The following IGSF3 variants were observed in gnomAD, a reference collection of about 807,000 sequenced individuals.
The protein encoded by IGSF3 is glu-Trp-Ile EWI motif-containing protein 3.
IGSF3 carries 23 observed loss-of-function variants against 114.4 expected under a neutral mutation model. The ratio of observed to expected loss-of-function variants is 0.20; its 90% CI spans 0.14 to 0.28. The LOEUF (loss-of-function observed/expected upper bound fraction) is 0.28. Among genes scored for constraint, IGSF3 ranks in the 10% least tolerant of loss-of-function variants. The pLI, the probability that IGSF3 is intolerant of heterozygous loss-of-function variation, is 1.00. For synonymous variants in IGSF3, 571 were observed against 645.2 expected (o/e 0.88, Z 1.74); for missense variants, 1,172 against 1,591.5 (o/e 0.74, Z 4.48).
In IGSF3 at chr1:116,664,083, G is replaced by C. The variant is rs1035635891; in HGVS notation, c.43+2201C>G. On this transcript the variant is annotated intron_variant, in intron 2 of 10. Transcript: ENST00000369486. This position sits in a 1 kb window ranked among gnomAD's most constrained non-coding sequence, Gnocchi z 4.6. ...TCCCAGATTAGTAAAGTAGTAGCCAGGCCTCCTTCCTGCCATACTGAGAGC... is the reference window on the plus strand; with the variant it reads ...TCCCAGATTAGTAAAGTAGTAGCCACGCCTCCTTCCTGCCATACTGAGAGC... 6.6e-6 allele frequency among the ~76,000 whole-genome samples: 1 copy of C among 152,176 alleles called. No individual in the cohort carries two copies. Among genetic ancestry groups the C allele is most frequent in the African/African-American group, 2.4e-5 (1 of 41,440 alleles).
At chr1:116,604,115 G>A in intron 5 of IGSF3, 90 bp from the exon 6 acceptor site, 2 of 1,174,860 alleles carry the variant, frequency 1.7e-6, no homozygotes, top group Non-Finnish European at 2.3e-6. Context: ...GGTGCAAATG[G>A]AATCATATTC....
rs1385202749 is a variant in IGSF3 at position 116,574,689 on chromosome 1, A to C, written c.*2623T>G. The C allele has an allele frequency of 6.6e-6, 1 of 152,656 alleles. No individual in the cohort carries two copies. Among genetic ancestry groups the C allele is most frequent in the African/African-American group, 2.4e-5 (1 of 41,462 alleles). The allele number at this position is 152,656 out of a possible 1,614,324, so 9.5% of individuals were successfully genotyped here. On this transcript the variant is annotated 3_prime_UTR_variant, in exon 11 of 11. Transcript: ENST00000369486. The surrounding 1 kb of genome is among the most constrained non-coding windows in gnomAD (Gnocchi z 5.2). ...CGCCTAGCACAGTGTAGTTTTTCATAAATGCAACATTGTAGACATAGATGA... is the reference window on the plus strand; with the variant it reads ...CGCCTAGCACAGTGTAGTTTTTCATCAATGCAACATTGTAGACATAGATGA...
At chr1:116,626,013 C>G (rs1455235916) in intron 2 of IGSF3, among the ~76,000 whole-genome samples, 7 of 152,188 alleles carry the variant, frequency 4.6e-5, no homozygotes, top group Admixed American at 4.6e-4. Flanking sequence ...TTCTAAGCTG[C>G]TGCCTAATTC....
In IGSF3 at chr1:116,649,383, C is replaced by A. The variant is rs971341511; in HGVS notation, c.43+16901G>T. On this transcript the variant is annotated intron_variant, in intron 2 of 10. Coordinates refer to ENST00000369486, the MANE Select transcript of IGSF3 (RefSeq NM_001007237.3). This position sits in a 1 kb window ranked among gnomAD's most constrained non-coding sequence, Gnocchi z 4.5. ...GTTGCCTCTACCACATCCTCTTAAC[C>A]CTTGGCCTCTCATTCCCAAAGTCTA... is the stretch of plus-strand genomic sequence containing the variant. 6.6e-6 allele frequency among the ~76,000 whole-genome samples: 1 copy of A among 152,226 alleles called. No homozygotes were observed. Among genetic ancestry groups the A allele is most frequent in the African/African-American group, 2.4e-5 (1 of 41,458 alleles).
chr1:116,622,228 T>C (rs1379158965), intron 2 of IGSF3, among the ~76,000 whole-genome samples: 1 of 152,218 alleles, frequency 6.6e-6, no homozygotes, highest in African/African-American at 2.4e-5. Flanking sequence ...CACTAGTATC[T>C]TTCTTCATCT....
At position 116,595,080 on chromosome 1, in the gene IGSF3, A is replaced by G. The variant is rs949113534; in HGVS notation, c.2029+4861T>C. On this transcript the variant is annotated intron_variant, in intron 7 of 10. Coordinates refer to ENST00000369486, the MANE Select transcript of IGSF3 (RefSeq NM_001007237.3). This position sits in a 1 kb window ranked among gnomAD's most constrained non-coding sequence, Gnocchi z 4.2. Reference sequence around the variant, plus strand: ...CAACCTGGCACTTAGTAGGTGCTCAATGCATGCAGAGAGACAGGGAGGGAG... The same window carrying G: ...CAACCTGGCACTTAGTAGGTGCTCAGTGCATGCAGAGAGACAGGGAGGGAG... Among the ~76,000 whole-genome samples the G allele has an allele frequency of 7.2e-5, 11 of 152,132 alleles. No homozygotes were observed. Among genetic ancestry groups the G allele is most frequent in the Non-Finnish European group, 1.6e-4 (11 of 68,014 alleles).
chr1:116,590,928 C>T (rs1197551143), intron 7 of IGSF3, among the ~76,000 whole-genome samples: 5 of 152,220 alleles, frequency 3.3e-5, no homozygotes, highest in African/African-American at 1.2e-4. Context: ...GAGCATCTCC[C>T]GCAGTAAATC....
At chr1:116,626,166 C>T (rs556220597) in intron 2 of IGSF3, among the ~76,000 whole-genome samples, 96 of 152,218 alleles carry the variant, frequency 6.3e-4, no homozygotes, top group African/African-American at 2.0e-3. Context: ...TCTTTTATCT[C>T]TTCTGACTAC....
In IGSF3 at chr1:116,666,860, G is replaced by T; in HGVS notation, c.-534C>A. On this transcript the variant is annotated 5_prime_UTR_variant, in exon 2 of 11. Coordinates refer to ENST00000369486, the MANE Select transcript of IGSF3 (RefSeq NM_001007237.3). ...AAGTCCGTTTCCATCCATGGTGGTA[G>T]GTCACGGAGGCGCCACCTGCCCCAC... 1 of 405,916 alleles carries T rather than the reference G, an allele frequency of 2.5e-6. No individual in the cohort carries two copies. Among genetic ancestry groups the T allele is most frequent in the African/African-American group, 2.1e-5 (1 of 48,758 alleles). The allele number at this position is 405,916 out of a possible 1,614,324, so 25.1% of individuals were successfully genotyped here. A position where few individuals can be genotyped will look rare whatever the true frequency, so the allele number is the denominator to read the frequency against.
Position 116,618,451 on chromosome 1 carries a change from T to C in IGSF3, c.44-1994A>G, listed in dbSNP as rs1191132027. On this transcript the variant is annotated intron_variant, in intron 2 of 10. Coordinates refer to ENST00000369486, the MANE Select transcript of IGSF3 (RefSeq NM_001007237.3). The surrounding 1 kb of genome is among the most constrained non-coding windows in gnomAD (Gnocchi z 4.7). ...AAACACATGTGCAACAGTGATCCTG[T>C]AAGATTATAATGGAGCATATATAGA... 6.6e-6 allele frequency among the ~76,000 whole-genome samples: 1 copy of C among 152,240 alleles called. No homozygotes were observed. The highest frequency in any genetic ancestry group is 2.4e-5 in the African/African-American group (1 of 41,450).
rs1014093272 is a variant in IGSF3 at position 116,576,289 on chromosome 1, A to C, written c.*1023T>G. ...GGCCCTGTGCTCAGCTCAGGGGCCC[A>C]CTTCCAAGTTCACTGGACACTTTCT... On this transcript the variant is annotated 3_prime_UTR_variant, in exon 11 of 11. Transcript: ENST00000369486. This position sits in a 1 kb window ranked among gnomAD's most constrained non-coding sequence, Gnocchi z 4.6. The C allele has an allele frequency of 2.0e-5, 3 of 151,702 alleles. No individual in the cohort carries two copies. The highest frequency in any genetic ancestry group is 7.3e-5 in the African/African-American group (3 of 41,058). 9.4% of individuals were successfully genotyped at this position (151,702 alleles called of 1,614,324 possible). A position where few individuals can be genotyped will look rare whatever the true frequency, so the allele number is the denominator to read the frequency against.
rs1400805014 is a variant in IGSF3, at chr1:116,632,506, CGCAG to C, written c.44-16053_44-16050del. 6.6e-6 allele frequency among the ~76,000 whole-genome samples: 1 copy of C among 152,190 alleles called. No individual in the cohort carries two copies. The highest frequency in any genetic ancestry group is 2.4e-5 in the African/African-American group (1 of 41,442). ...ACGCAGCATACTGAATGAGAAGCCTCGCAGGCAGAGAAGAAAGCAAACCTGGAAG... is the reference window on the plus strand; with the variant it reads ...ACGCAGCATACTGAATGAGAAGCCTCGCAGAGAAGAAAGCAAACCTGGAAG... On this transcript the variant is annotated intron_variant, in intron 2 of 10. Transcript: ENST00000369486. The surrounding 1 kb of genome is among the most constrained non-coding windows in gnomAD (Gnocchi z 5.1).
At chr1:116,635,171 C>T (rs1365364076) in intron 2 of IGSF3, among the ~76,000 whole-genome samples, 1 of 152,214 alleles carries the variant, frequency 6.6e-6, no homozygotes, top group African/African-American at 2.4e-5. Context: ...ACAGTAGAAT[C>T]CCAAATGTCT....
At chr1:116,635,640 C>G (rs992534034) in intron 2 of IGSF3, among the ~76,000 whole-genome samples, 1 of 152,188 alleles carries the variant, frequency 6.6e-6, no homozygotes, top group Non-Finnish European at 1.5e-5. Context: ...AGCTTAAGCA[C>G]AAAGAATGTC....
intron 2 of IGSF3, among the ~76,000 whole-genome samples, chr1:116,641,342 A>G (rs1002873922): frequency 1.3e-5 from 2 of 151,956 alleles, no homozygotes; most frequent in Admixed American, 1.3e-4. Context: ...CTAAAAATAC[A>G]AAAATTAGCC....
chr1:116,655,593 C>T lies in IGSF3; in HGVS notation c.43+10691G>A, dbSNP rs1402590409. On this transcript the variant is annotated intron_variant, in intron 2 of 10. Transcript: ENST00000369486. This position sits in a 1 kb window ranked among gnomAD's most constrained non-coding sequence, Gnocchi z 4.3. The stretch of plus-strand genomic sequence containing the variant: ...TTGGGTTAAAGTCTTAAATGCTGAG[C>T]CCGTAGCCAGCAACCTTAAAGGCTA... Among the ~76,000 whole-genome samples the T allele has an allele frequency of 6.6e-6, 1 of 152,174 alleles. No individual in the cohort carries two copies. The highest frequency in any genetic ancestry group is 6.5e-5 in the Admixed American group (1 of 15,276).
chr1:116,662,023 A>G lies in IGSF3; in HGVS notation c.43+4261T>C, dbSNP rs1027391142. ...AGAGAGCATGCACATGGAGCAAGAC[A>G]GCAGGAGCTTGGAGCCCTAACACTG... On this transcript the variant is annotated intron_variant, in intron 2 of 10. Transcript: ENST00000369486. The surrounding 1 kb of genome is among the most constrained non-coding windows in gnomAD (Gnocchi z 4.3). Among the ~76,000 whole-genome samples the G allele has an allele frequency of 1.3e-5, 2 of 152,112 alleles. No homozygotes were observed. The highest frequency in any genetic ancestry group is 2.1e-4 in the South Asian group (1 of 4,816).
In IGSF3 at chr1:116,610,673, C is replaced by T. The variant is rs1660986168; in HGVS notation, c.833-2342G>A. Among the ~76,000 whole-genome samples the T allele has an allele frequency of 6.6e-6, 1 of 152,104 alleles. No individual in the cohort carries two copies. The highest frequency in any genetic ancestry group is 1.5e-5 in the Non-Finnish European group (1 of 68,020). On this transcript the variant is annotated intron_variant, in intron 4 of 10. Transcript: ENST00000369486. This position sits in a 1 kb window ranked among gnomAD's most constrained non-coding sequence, Gnocchi z 4.3. ...TCCTGCTCTTCTTCTTGCTGGCCTG[C>T]CCACTCTGTTCCACTCTCTCACCTG...
chr1:116,586,531 G>C (rs576676752), intron 8 of IGSF3, among the ~76,000 whole-genome samples: 1 of 152,106 alleles, frequency 6.6e-6, no homozygotes, highest in Non-Finnish European at 1.5e-5. Flanking sequence ...TGTTTTACTC[G>C]GTGTCCTCTG....
Sources: allele counts gnomAD v4.1 joint callset (sites outside exome capture counted in the v4.1 genomes callset), GRCh38; gene constraint gnomAD v4.1.1; non-coding constraint Gnocchi (gnomAD v3.1); transcripts MANE v1.5; gene names NCBI Gene and HGNC (gene_info 2026-07-23, HGNC 2026-07-21).